MLIP: variants seen among roughly 807,000 people sequenced by gnomAD.
MLIP encodes muscular LMNA interacting protein.
Under a neutral mutation model 84.8 loss-of-function variants are expected in MLIP, and 79 were observed. The ratio of observed to expected loss-of-function variants is 0.93; its 90% CI spans 0.78 to 1.12. MLIP has a LOEUF of 1.12. Among genes scored for constraint, MLIP ranks in the 50% most tolerant of loss-of-function variants. The pLI is 0.00. For missense variants in MLIP, 1,257 were observed against 1,160.6 expected (o/e 1.08, Z -1.21); for synonymous variants, 504 against 463.0 (o/e 1.09, Z -1.14).
At chr6:54,183,808 G>A (rs191839058) in intron 9 of MLIP, among the ~76,000 whole-genome samples, 115 of 147,306 alleles carry the variant, frequency 7.8e-4, no homozygotes, top group African/African-American at 2.8e-3. Flanking sequence ...GCAGTGGCGC[G>A]ATCGTGACTC....
rs1774556119 is a variant in MLIP at position 54,160,799 on chromosome 6, A to C, written c.2499A>C (p.Lys833Asn). The C allele has an allele frequency of 1.2e-6, 2 of 1,605,072 alleles. No individual in the cohort carries two copies. The highest frequency in any genetic ancestry group is 1.7e-6 in the Non-Finnish European group (2 of 1,173,060). Reference protein sequence around the residue: ...PKTLLGSDTVKTPTTLPRAAG... With the variant: ...PKTLLGSDTVNTPTTLPRAAG... ...CATTGTTGGGTTCTGACACAGTCAAAGTATGTATGTATTTAATATAATTTA... is the reference window on the plus strand; with the variant it reads ...CATTGTTGGGTTCTGACACAGTCAACGTATGTATGTATTTAATATAATTTA... The change falls in exon 8 of 14, where the codon AAA (lysine) becomes AAC (asparagine). Residue 833 changes from lysine to asparagine, a missense_variant and splice_region_variant. Lys to Asn is a moderately conservative substitution (Grantham distance 94). Transcript: ENST00000502396.
intron 12 of MLIP, among the ~76,000 whole-genome samples, chr6:54,235,862 C>A (rs1368653363): frequency 6.6e-6 from 1 of 152,038 alleles, no homozygotes; most frequent in African/African-American, 2.4e-5. Flanking sequence ...TTGTGGTGTT[C>A]TCATTCCTTT....
intron 12 of MLIP, among the ~76,000 whole-genome samples, chr6:54,255,879 T>C (rs556321209): frequency 7.7e-4 from 117 of 152,294 alleles, no homozygotes; most frequent in Non-Finnish European, 1.5e-3. Flanking sequence ...CATATAGATA[T>C]TGTACTACTT....
intron 9 of MLIP, among the ~76,000 whole-genome samples, chr6:54,180,507 T>A (rs1377414568): frequency 6.6e-6 from 1 of 152,186 alleles, no homozygotes; most frequent in Non-Finnish European, 1.5e-5. Flanking sequence ...ATATGGAAGG[T>A]GTGCTTCATT....
At chr6:54,207,024 G>T (rs1438101327) in intron 11 of MLIP, among the ~76,000 whole-genome samples, 1 of 152,090 alleles carries the variant, frequency 6.6e-6, no homozygotes, top group Non-Finnish European at 1.5e-5. Context: ...GTGTAGAAAT[G>T]AATTAGTGGT....
At chr6:54,086,777 C>T (rs1767523075) in intron 1 of MLIP, among the ~76,000 whole-genome samples, 1 of 152,114 alleles carries the variant, frequency 6.6e-6, no homozygotes, top group Non-Finnish European at 1.5e-5. Flanking sequence ...GCTGTTCTCT[C>T]TTCTTGGAGT....
chr6:54,170,924 T>G (rs1246901560), intron 9 of MLIP, among the ~76,000 whole-genome samples: 6 of 151,536 alleles, frequency 4.0e-5, no homozygotes, highest in Admixed American at 6.6e-5. Context: ...GAAAGTTTCC[T>G]AAAGGTGTTT....
chr6:54,048,220 A>G (rs1198069297), intron 1 of MLIP, among the ~76,000 whole-genome samples: 1 of 152,168 alleles, frequency 6.6e-6, no homozygotes, highest in African/African-American at 2.4e-5. Flanking sequence ...TGCTGAAAAG[A>G]TCAGGTTCTA....
chr6:54,161,101 GT>G (rs936834692), intron 8 of MLIP, among the ~76,000 whole-genome samples: 11 of 147,956 alleles, frequency 7.4e-5, no homozygotes, highest in South Asian at 2.2e-4. Flanking sequence ...ATTAGGCTAT[GT>G]TTTTTTTTTA....
chr6:54,266,021 C>G lies in MLIP; in HGVS notation c.*66C>G, dbSNP rs1783664369. ...TTGGAATGCTGGTGCTAACCACTTGCTAGATTTAACTTTTTTTTTTTTTTC... is the reference window on the plus strand; with the variant it reads ...TTGGAATGCTGGTGCTAACCACTTGGTAGATTTAACTTTTTTTTTTTTTTC... On this transcript the variant is annotated 3_prime_UTR_variant, in exon 14 of 14. Coordinates refer to ENST00000502396, the MANE Select transcript of MLIP (RefSeq NM_001281747.2). The G allele has an allele frequency of 1.3e-6, 2 of 1,517,466 alleles. No individual in the cohort carries two copies. The highest frequency in any genetic ancestry group is 1.5e-5 in the African/African-American group (1 of 66,870). The allele number at this position is 1,517,466 out of a possible 1,614,324, so 94.0% of individuals were successfully genotyped here. A position where few individuals can be genotyped will look rare whatever the true frequency, so the allele number is the denominator to read the frequency against.
intron 1 of MLIP, among the ~76,000 whole-genome samples, chr6:54,020,710 G>A (rs745404373): frequency 9.2e-5 from 14 of 152,144 alleles, no homozygotes; most frequent in Non-Finnish European, 1.6e-4. Context: ...ATCTAGAAGT[G>A]AGCAAAAACC....
intron 1 of MLIP, among the ~76,000 whole-genome samples, chr6:54,092,064 A>T (rs907576410): frequency 1.3e-5 from 2 of 152,146 alleles, no homozygotes; most frequent in Non-Finnish European, 2.9e-5. Context: ...CTTGACTAGG[A>T]TCTGGAATTA....
chr6:54,136,631 G>T, intron 3 of MLIP, 84 bp from the exon 4 acceptor site: 1 of 1,278,130 alleles, frequency 7.8e-7, no homozygotes, highest in Non-Finnish European at 1.0e-6. Context: ...TAAATTGTTT[G>T]TATAATCGCA....
At position 54,117,267 on chromosome 6, in the gene MLIP, G is replaced by T. The variant is rs114439956; in HGVS notation, c.97-4180G>T. ...GTCCAGCTGTGTTGCCCAGGCTGGA[G>T]CACAGTGGCCGGTCTAGGCTCACTG... On this transcript the variant is annotated intron_variant, in intron 1 of 13. Coordinates refer to ENST00000502396, the MANE Select transcript of MLIP (RefSeq NM_001281747.2). 2.3e-3 allele frequency among the ~76,000 whole-genome samples: 343 copies of T among 146,144 alleles called. 1 individual carries two copies. The highest frequency in any genetic ancestry group is 8.3e-3 in the African/African-American group (327 of 39,310).
intron 1 of MLIP, among the ~76,000 whole-genome samples, chr6:54,061,377 G>A (rs934098784): frequency 1.3e-5 from 2 of 152,098 alleles, no homozygotes; most frequent in Non-Finnish European, 1.5e-5. Flanking sequence ...GTTTTGAGCT[G>A]GTTCCTCAAA....
intron 5 of MLIP, among the ~76,000 whole-genome samples, chr6:54,150,101 T>C (rs143892434): frequency 6.6e-4 from 101 of 152,300 alleles, no homozygotes; most frequent in African/African-American, 2.3e-3. Context: ...ATTCTTATTC[T>C]TTTAGCATGA....
At chr6:54,197,843 A>G (rs906657902) in intron 10 of MLIP, among the ~76,000 whole-genome samples, 2 of 152,132 alleles carry the variant, frequency 1.3e-5, no homozygotes, top group Non-Finnish European at 2.9e-5. Context: ...AACTTGATAG[A>G]TCTAATTTCC....
chr6:54,168,506 T>C (rs1364546570), intron 8 of MLIP, among the ~76,000 whole-genome samples: 1 of 151,928 alleles, frequency 6.6e-6, no homozygotes, highest in Non-Finnish European at 1.5e-5. Flanking sequence ...TTTCATTGCT[T>C]ATTTCTTTTC....
chr6:54,130,745 G>A (rs1397044397), intron 3 of MLIP, among the ~76,000 whole-genome samples: 4 of 152,132 alleles, frequency 2.6e-5, no homozygotes, highest in East Asian at 1.9e-4. Context: ...ATCAGAAAGG[G>A]TTCACAGAGG....
Sources: allele counts gnomAD v4.1 joint callset (sites outside exome capture counted in the v4.1 genomes callset), GRCh38; gene constraint gnomAD v4.1.1; transcripts MANE v1.5; gene names NCBI Gene and HGNC (gene_info 2026-07-23, HGNC 2026-07-21).